NRG1: variants seen among roughly 807,000 people sequenced by gnomAD.
NRG1 encodes neuregulin 1.
NRG1 carries 18 observed loss-of-function variants against 63.8 expected under a neutral mutation model. The ratio of observed to expected loss-of-function variants is 0.28; its 90% CI spans 0.19 to 0.42. The LOEUF (loss-of-function observed/expected upper bound fraction) is 0.42. NRG1 is among the 10% of genes least tolerant of loss of function. The pLI is 1.00. For missense variants in NRG1, 762 were observed against 814.7 expected, an observed-to-expected ratio of 0.94 and a Z score of 0.79; for synonymous variants, 302 against 301.3, an observed-to-expected ratio of 1.00 and a Z score of -0.02.
chr8:32,366,713 A>ATATATATATC (rs1358090122), intron 1 of NRG1, among the ~76,000 whole-genome samples: 3 of 87,256 alleles, frequency 3.4e-5, no homozygotes, highest in East Asian at 2.6e-4. Context: ...ATATATATAT[A>ATATATATATC]TCTCACTTTT....
intron 1 of NRG1, among the ~76,000 whole-genome samples, chr8:31,837,882 CT>C (rs1825830777): frequency 6.6e-6 from 1 of 152,066 alleles, no homozygotes; most frequent in African/African-American, 2.4e-5. Flanking sequence ...CATTCATCCC[CT>C]GATGGACACT....
At chr8:32,601,777 T>G (rs1844402319) in intron 2 of NRG1, among the ~76,000 whole-genome samples, 1 of 152,052 alleles carries the variant, frequency 6.6e-6, no homozygotes, top group East Asian at 1.9e-4. Flanking sequence ...TAATTCAGCA[T>G]TCTAGATATG....
rs34593729 is a variant in NRG1 at position 32,233,563 on chromosome 8, A to ATATATTTT, written c.38-362264_38-362263insATATTTTT. Reference sequence around the variant, plus strand: ...TATATATATATATATATATATATATATTTTTTTTTTTTTTTCTTTTGAAAC... The same window carrying ATATATTTT: ...TATATATATATATATATATATATATATATATTTTTTTTTTTTTTTTTTTCTTTTGAAAC... On this transcript the variant is annotated intron_variant, in intron 1 of 10. Coordinates refer to the NRG1 transcript ENST00000519301. Among the ~76,000 whole-genome samples the ATATATTTT allele has an allele frequency of 4.6e-3, 307 of 67,190 alleles. 8 individuals are homozygous for ATATATTTT. Among genetic ancestry groups the ATATATTTT allele is most frequent in the Admixed American group, 0.019 (87 of 4,540 alleles). 44.1% of individuals were successfully genotyped at this position (67,190 alleles called of 152,430 possible).
intron 1 of NRG1, among the ~76,000 whole-genome samples, chr8:32,307,091 A>T (rs1179632182): frequency 6.6e-6 from 1 of 152,132 alleles, no homozygotes; most frequent in African/African-American, 2.4e-5. Context: ...GGTTTTGTTA[A>T]AGTATCTTAA....
intron 1 of NRG1, among the ~76,000 whole-genome samples, chr8:31,748,107 T>TA (rs1272327401): frequency 6.6e-6 from 1 of 152,000 alleles, no homozygotes; most frequent in Non-Finnish European, 1.5e-5. Flanking sequence ...AATACTGTTG[T>TA]AAAAAATTAA....
intron 1 of NRG1, among the ~76,000 whole-genome samples, chr8:32,418,310 G>A (rs1323004117): frequency 6.6e-6 from 1 of 151,736 alleles, no homozygotes; most frequent in Non-Finnish European, 1.5e-5. Context: ...AGAGAAATAA[G>A]TGAAGTTAAT....
intron 1 of NRG1, among the ~76,000 whole-genome samples, chr8:32,055,839 A>G (rs1015457083): frequency 1.3e-5 from 2 of 152,086 alleles, no homozygotes; most frequent in Non-Finnish European, 2.9e-5. Context: ...GTGATATGAT[A>G]CTGGGCCGTA....
At chr8:32,023,840 A>AC (rs1816825375) in intron 1 of NRG1, among the ~76,000 whole-genome samples, 1 of 6,162 alleles carries the variant, frequency 1.6e-4, no homozygotes, top group Non-Finnish European at 4.9e-3. Flanking sequence ...GATTTGCAGT[A>AC]ACTCTCCCTA....
chr8:31,787,432 GTACTGACTT>G (rs1820285937), intron 1 of NRG1, among the ~76,000 whole-genome samples: 1 of 152,088 alleles, frequency 6.6e-6, no homozygotes, highest in African/African-American at 2.4e-5. Flanking sequence ...TGGTTGGATT[GTACTGACTT>G]TGCAAATACC....
At chr8:32,187,441 G>A (rs542916035) in intron 1 of NRG1, among the ~76,000 whole-genome samples, 48 of 152,160 alleles carry the variant, frequency 3.2e-4, no homozygotes, top group African/African-American at 1.1e-3. Context: ...TTTTAACTTC[G>A]TTAACCTATA....
rs140218886 is a variant in NRG1 at position 31,850,799 on chromosome 8, G to A, written c.37+211368G>A. ...GTGAGTCTGCACTCTCTCACCACCC[G>A]TTTGCTTATCACCCACTCTCTATGT... On this transcript the variant is annotated intron_variant, in intron 1 of 10. Transcript: ENST00000519301. 6.0e-3 allele frequency among the ~76,000 whole-genome samples: 909 copies of A among 152,144 alleles called. 12 individuals carry two copies. Among genetic ancestry groups the A allele is most frequent in the African/African-American group, 0.02 (814 of 41,512 alleles).
intron 1 of NRG1, among the ~76,000 whole-genome samples, chr8:31,916,211 C>CT (rs979164884): frequency 7.3e-5 from 11 of 151,206 alleles, no homozygotes; most frequent in South Asian, 4.2e-4. Flanking sequence ...TTTTCATTTT[C>CT]TTTTTTTTTA....
At chr8:32,630,188 G>C (rs1452935720) in intron 5 of NRG1, among the ~76,000 whole-genome samples, 1 of 152,140 alleles carries the variant, frequency 6.6e-6, no homozygotes, top group African/African-American at 2.4e-5. Context: ...TATGCTACTA[G>C]TCTAAAGGGC....
intron 1 of NRG1, among the ~76,000 whole-genome samples, chr8:32,230,185 G>A (rs369916128): frequency 1.3e-5 from 2 of 152,060 alleles, no homozygotes; most frequent in Admixed American, 6.6e-5. Context: ...CTAAGAGCAC[G>A]AACTACAACT....
chr8:32,515,453 T>G (rs544938635), intron 1 of NRG1, among the ~76,000 whole-genome samples: 1,835 of 107,424 alleles, frequency 0.017, 40 homozygotes, highest in African/African-American at 0.056. Context: ...TTTTTTTGTT[T>G]TGTTTTGTTT....
intron 1 of NRG1, among the ~76,000 whole-genome samples, chr8:32,148,094 A>G (rs912782547): frequency 8.5e-5 from 13 of 152,184 alleles, no homozygotes; most frequent in Middle Eastern, 3.2e-3. Flanking sequence ...AACTATAGAT[A>G]CTAAAATTTG....
chr8:32,381,862 T>C (rs1479085447), intron 1 of NRG1, among the ~76,000 whole-genome samples: 1 of 152,216 alleles, frequency 6.6e-6, no homozygotes, highest in African/African-American at 2.4e-5. Context: ...TGAAAGTTAG[T>C]ATAAGCAGTT....
chr8:32,341,803 A>G (rs1472647821), intron 1 of NRG1, among the ~76,000 whole-genome samples: 1 of 152,204 alleles, frequency 6.6e-6, no homozygotes, highest in African/African-American at 2.4e-5. Flanking sequence ...AGTATAGAGT[A>G]TTTCTGAGTT....
exon 12 of NRG1, chr8:32,764,237 G>A (rs774971123): frequency 9.3e-6 from 15 of 1,614,102 alleles, no homozygotes; most frequent in South Asian, 2.2e-5. Flanking sequence ...GTGAAGATAC[G>A]CCTTTCCTGG....
Sources: allele counts gnomAD v4.1 joint callset (sites outside exome capture counted in the v4.1 genomes callset), GRCh38; gene constraint gnomAD v4.1.1; transcripts MANE v1.5; gene names NCBI Gene and HGNC (gene_info 2026-07-23, HGNC 2026-07-21).